The following GOLPH3L variants were observed in gnomAD, a reference collection of about 807,000 sequenced individuals.
GOLPH3L encodes the protein golgi phosphoprotein 3 like, also known as Golgi phosphoprotein 3-like.
GOLPH3L carries 22 observed loss-of-function variants against 30.3 expected under a neutral mutation model. That is an observed-to-expected ratio of 0.73 (90% CI 0.52 to 1.04). The LOEUF (loss-of-function observed/expected upper bound fraction) is 1.04. Among genes scored for constraint, GOLPH3L ranks in the 50% least tolerant of loss-of-function variants. GOLPH3L has a pLI of 0.00. For missense variants in GOLPH3L, 303 were observed against 345.8 expected, an observed-to-expected ratio of 0.88 and a Z score of 0.98; for synonymous variants, 120 against 128.2, an observed-to-expected ratio of 0.94 and a Z score of 0.43.
At chr1:150,695,544 A>C (rs192218986) in intron 1 of GOLPH3L, among the ~76,000 whole-genome samples, 92 of 152,344 alleles carry the variant, frequency 6.0e-4, no homozygotes, top group African/African-American at 2.1e-3. Flanking sequence ...GGAACAACAA[A>C]AAATTGTGAG....
Position 150,674,364 on chromosome 1 carries a change from G to A in GOLPH3L, c.184-10601C>T, listed in dbSNP as rs151256246. 8.1e-3 allele frequency among the ~76,000 whole-genome samples: 1,222 copies of A among 151,658 alleles called. 9 individuals carry two copies. The highest frequency in any genetic ancestry group is 0.011 in the Non-Finnish European group (729 of 67,926). On this transcript the variant is annotated intron_variant, in intron 2 of 4. Transcript: ENST00000271732. The stretch of plus-strand genomic sequence containing the variant: ...CAACCTCCGCCTCCTGGGCTCAAGC[G>A]ATTCTCCTGCCTCGGCCTCCCGAGT...
chr1:150,681,476 G>A (rs1650945907), intron 2 of GOLPH3L, among the ~76,000 whole-genome samples: 1 of 152,130 alleles, frequency 6.6e-6, no homozygotes, highest in South Asian at 2.1e-4. Context: ...AACATGGCAG[G>A]AATATATAAA....
rs200254348 is a variant in GOLPH3L, at chr1:150,648,529, C to G, written c.650G>C (p.Arg217Pro). The change falls in exon 5 of 5, where the codon CGT becomes CCT. Residue 217 changes from arginine (R) to proline (P), a missense_variant. Transcript: ENST00000271732. ...VLERWVNDPQ[R>P]MDKRTLALLV... is the part of the protein sequence containing the mutation. ...GAGTGCTAGTGTTCGCTTGTCCATA[C>G]GCTGAGGGTCATTTACCCACCGCTC... is the stretch of plus-strand genomic sequence containing the variant. The G allele has an allele frequency of 6.2e-7, 1 of 1,613,648 alleles. No individual in the cohort carries two copies. The highest frequency in any genetic ancestry group is 1.1e-5 in the South Asian group (1 of 91,068).
intron 1 of GOLPH3L, among the ~76,000 whole-genome samples, chr1:150,695,604 G>C (rs1295262799): frequency 6.6e-6 from 1 of 151,884 alleles, no homozygotes; most frequent in Non-Finnish European, 1.5e-5. Context: ...TTCTATAAAC[G>C]TTCCATGGTA....
chr1:150,676,855 G>A (rs1184700459), intron 2 of GOLPH3L, among the ~76,000 whole-genome samples: 1 of 151,802 alleles, frequency 6.6e-6, no homozygotes, highest in African/African-American at 2.4e-5. Context: ...TGTTGGCCAG[G>A]GTGGTCTTGA....
At chr1:150,691,587 T>A (rs1269143094) in intron 2 of GOLPH3L, among the ~76,000 whole-genome samples, 1 of 152,102 alleles carries the variant, frequency 6.6e-6, no homozygotes, top group African/African-American at 2.4e-5. Context: ...ATTGTTACTA[T>A]CTAGAAATCC....
chr1:150,667,283 T>A (rs1176515843), intron 2 of GOLPH3L, among the ~76,000 whole-genome samples: 1 of 152,208 alleles, frequency 6.6e-6, no homozygotes, highest in Non-Finnish European at 1.5e-5. Flanking sequence ...ACATTAAAAA[T>A]TAAGCTTATT....
At chr1:150,666,540 G>C (rs887922512) in intron 2 of GOLPH3L, among the ~76,000 whole-genome samples, 1 of 152,000 alleles carries the variant, frequency 6.6e-6, no homozygotes, top group Non-Finnish European at 1.5e-5. Context: ...GTTTTATCAT[G>C]TTGGCCAGGC....
chr1:150,695,979 T>TA (rs1474007971), intron 1 of GOLPH3L, among the ~76,000 whole-genome samples: 1 of 152,210 alleles, frequency 6.6e-6, no homozygotes, highest in Non-Finnish European at 1.5e-5. Flanking sequence ...TCATTTGTGA[T>TA]AAAGTTTATA....
rs1042552865 is a variant in GOLPH3L, at chr1:150,647,977, T to C, written c.*344A>G. ...ATAGATAGTTCACTTTTTATCTCAT[T>C]CACATTCTATAGCTGGAGAACTCAA... On this transcript the variant is annotated 3_prime_UTR_variant, in exon 5 of 5. Transcript: ENST00000271732. The C allele has an allele frequency of 4.5e-6, 1 of 221,764 alleles. No individual in the cohort carries two copies. The highest frequency in any genetic ancestry group is 1.7e-3 in the Middle Eastern group (1 of 604). 13.7% of individuals were successfully genotyped at this position (221,764 alleles called of 1,614,324 possible).
intron 2 of GOLPH3L, among the ~76,000 whole-genome samples, chr1:150,667,347 A>G (rs1650530722): frequency 6.6e-6 from 1 of 152,156 alleles, no homozygotes; most frequent in South Asian, 2.1e-4. Flanking sequence ...CTCTAATTCT[A>G]TTTGTCCTGC....
chr1:150,668,047 A>G (rs1650549986), intron 2 of GOLPH3L, among the ~76,000 whole-genome samples: 1 of 152,120 alleles, frequency 6.6e-6, no homozygotes, highest in South Asian at 2.1e-4. Context: ...AACATTGTTT[A>G]CTTCTCCACT....
intron 2 of GOLPH3L, among the ~76,000 whole-genome samples, chr1:150,668,431 G>A (rs1212730684): frequency 6.6e-6 from 1 of 152,156 alleles, no homozygotes; most frequent in African/African-American, 2.4e-5. Flanking sequence ...CGCCCAGGCT[G>A]GGGTGCAGTG....
Position 150,694,793 on chromosome 1 carries a change from TCTTG to T in GOLPH3L, c.42_45del (p.Ser14ArgfsTer43). The T allele has an allele frequency of 1.2e-6, 2 of 1,613,602 alleles. No individual in the cohort carries two copies. Among genetic ancestry groups the T allele is most frequent in the Non-Finnish European group, 1.7e-6 (2 of 1,179,668 alleles). Reference sequence around the variant, plus strand: ...TCACTTTCCATCTTCTTTTCAGAGTTCTTGCTTATTTCAGTGCGACGGGCCCGGT... The same window carrying T: ...TCACTTTCCATCTTCTTTTCAGAGTTCTTATTTCAGTGCGACGGGCCCGGT... On this transcript the variant is annotated frameshift_variant, in exon 2 of 5. Transcript: ENST00000271732. LOFTEE classifies it high-confidence loss of function.
At chr1:150,691,101 C>T (rs1336706513) in intron 2 of GOLPH3L, among the ~76,000 whole-genome samples, 1 of 151,410 alleles carries the variant, frequency 6.6e-6, no homozygotes, top group East Asian at 1.9e-4. Flanking sequence ...CAAGACTAGC[C>T]TGGCTAACAT....
chr1:150,649,686 C>T (rs1650060920), intron 4 of GOLPH3L, among the ~76,000 whole-genome samples: 1 of 152,132 alleles, frequency 6.6e-6, no homozygotes, highest in African/African-American at 2.4e-5. Flanking sequence ...TGGGGCTTGA[C>T]TTGAGAGTAT....
intron 2 of GOLPH3L, among the ~76,000 whole-genome samples, chr1:150,685,545 T>C (rs1269409564): frequency 6.6e-6 from 1 of 151,940 alleles, no homozygotes; most frequent in Non-Finnish European, 1.5e-5. Context: ...TGAAACCCTG[T>C]CTCTACTAAA....
intron 3 of GOLPH3L, among the ~76,000 whole-genome samples, chr1:150,663,214 A>G (rs1245203527): frequency 6.6e-6 from 1 of 151,606 alleles, no homozygotes; most frequent in Non-Finnish European, 1.5e-5. Context: ...TTTTTTTTAA[A>G]TATTTCTCGT....
chr1:150,674,132 T>C (rs1193728578), intron 2 of GOLPH3L, among the ~76,000 whole-genome samples: 2 of 152,168 alleles, frequency 1.3e-5, no homozygotes, highest in Non-Finnish European at 2.9e-5. Flanking sequence ...TTACAATAAG[T>C]ATTTAGCCAT....
Sources: allele counts gnomAD v4.1 joint callset (sites outside exome capture counted in the v4.1 genomes callset), GRCh38; gene constraint gnomAD v4.1.1; transcripts MANE v1.5; gene names NCBI Gene and HGNC (gene_info 2026-07-23, HGNC 2026-07-21).